The following BAZ2B variants were observed in gnomAD, a reference collection of about 807,000 sequenced individuals.
BAZ2B encodes the protein bromodomain adjacent to zinc finger domain 2B, also known as bromodomain adjacent to zinc finger domain protein 2B.
Under a neutral mutation model 246.0 loss-of-function variants are expected in BAZ2B, and 91 were observed. That is an observed-to-expected ratio of 0.37 (90% confidence interval 0.31 to 0.44). The LOEUF is 0.44. Ranked by LOEUF, BAZ2B falls within the 20% of genes least tolerant of loss-of-function variation. The pLI, the probability that BAZ2B is intolerant of heterozygous loss-of-function variation, is 1.00. For missense variants in BAZ2B, 2,332 were observed against 2,533.7 expected (o/e 0.92, Z 1.71); for synonymous variants, 855 against 860.0 (o/e 0.99, Z 0.10).
intron 2 of BAZ2B, among the ~76,000 whole-genome samples, chr2:159,497,116 T>A (rs2081250205): frequency 2.0e-5 from 3 of 152,152 alleles, no homozygotes; most frequent in Admixed American, 2.0e-4. Context: ...TCAACCTAAA[T>A]CTCAATTACT....
chr2:159,428,031 TCTG>T lies in BAZ2B; in HGVS notation c.2373_2375del (p.Ser791del), dbSNP rs776444313. 1 of 1,613,038 alleles carries T rather than the reference TCTG, an allele frequency of 6.2e-7. No homozygotes were observed. Among genetic ancestry groups the T allele is most frequent in the South Asian group, 1.1e-5 (1 of 90,956 alleles). On this transcript the variant is annotated inframe_deletion, in exon 13 of 37. Transcript: ENST00000392783. ...CCCTTGAGATATCCATTATTCCATT[TCTG>T]CTGAGATACTGAAAAAATCACATAT...
chr2:159,683,627 G>C, the BAZ2B span, among the ~76,000 whole-genome samples: 1 of 152,058 alleles, frequency 6.6e-6, no homozygotes, highest in African/African-American at 2.4e-5. Context: ...GAAATGAATT[G>C]TATGAGGCTA....
chr2:159,541,872 C>T (rs1216008722), intron 2 of BAZ2B, among the ~76,000 whole-genome samples: 1 of 152,078 alleles, frequency 6.6e-6, no homozygotes, highest in East Asian at 1.9e-4. Flanking sequence ...CAACAAATTC[C>T]CTATCTAAAA....
chr2:159,643,222 T>C, the BAZ2B span, among the ~76,000 whole-genome samples: 11,628 of 152,130 alleles, frequency 0.076, 937 homozygotes, highest in African/African-American at 0.2. Context: ...ACCCACAAAA[T>C]TTTTTTCTTA....
chr2:159,563,214 T>C (rs1006989664), intron 1 of BAZ2B, among the ~76,000 whole-genome samples: 1 of 152,176 alleles, frequency 6.6e-6, no homozygotes, highest in Non-Finnish European at 1.5e-5. Context: ...TGGTTTTTCC[T>C]AGAACATAGA....
chr2:159,498,491 A>G (rs1437344893), intron 2 of BAZ2B, among the ~76,000 whole-genome samples: 1 of 152,184 alleles, frequency 6.6e-6, no homozygotes, highest in East Asian at 1.9e-4. Flanking sequence ...ATTTTGTTTT[A>G]GATAATAGTG....
intron 1 of BAZ2B, among the ~76,000 whole-genome samples, chr2:159,608,358 G>A (rs569431369): frequency 6.6e-6 from 1 of 152,206 alleles, no homozygotes; most frequent in African/African-American, 2.4e-5. Context: ...CTGGACAACA[G>A]AGTGAGACCC....
intron 1 of BAZ2B, among the ~76,000 whole-genome samples, chr2:159,576,176 T>A (rs9973341): frequency 0.92 from 140,520 of 152,184 alleles, 65,371 homozygotes; most frequent in East Asian, 1. Flanking sequence ...TACACTAGCT[T>A]TGTAATCTTG....
At chr2:159,541,080 G>A (rs2086605359) in intron 2 of BAZ2B, among the ~76,000 whole-genome samples, 1 of 151,998 alleles carries the variant, frequency 6.6e-6, no homozygotes, top group Non-Finnish European at 1.5e-5. Context: ...TAAGAAATGG[G>A]GTGATACAGA....
chr2:159,697,057 ATT>A, the BAZ2B span, among the ~76,000 whole-genome samples: 1 of 152,166 alleles, frequency 6.6e-6, no homozygotes, highest in Non-Finnish European at 1.5e-5. Flanking sequence ...AAGTGCTGGG[ATT>A]ACAGGTGTGA....
chr2:159,625,036 C>T, the BAZ2B span, among the ~76,000 whole-genome samples: 1 of 151,666 alleles, frequency 6.6e-6, no homozygotes, highest in African/African-American at 2.4e-5. Flanking sequence ...GAAGCATACA[C>T]AAGTATCAAT....
At chr2:159,431,233 A>G in intron 9 of BAZ2B, 77 bp from the exon 10 acceptor site, 1 of 1,500,474 alleles carries the variant, frequency 6.7e-7, no homozygotes, top group Non-Finnish European at 8.9e-7. Context: ...TAAATGGACT[A>G]GCTCAGGAAC....
intron 31 of BAZ2B, among the ~76,000 whole-genome samples, chr2:159,340,349 G>T (rs1295316030): frequency 1.3e-5 from 2 of 151,632 alleles, no homozygotes; most frequent in African/African-American, 4.8e-5. Context: ...GAAGGGAAAG[G>T]TGAGGAAAAA....
chr2:159,474,755 G>T (rs1465533652), intron 3 of BAZ2B, among the ~76,000 whole-genome samples: 2 of 152,144 alleles, frequency 1.3e-5, no homozygotes, highest in African/African-American at 4.8e-5. Flanking sequence ...AGGACTGGTG[G>T]TAACAAAATC....
At chr2:159,449,829 T>C (rs2074796134) in intron 4 of BAZ2B, among the ~76,000 whole-genome samples, 1 of 152,152 alleles carries the variant, frequency 6.6e-6, no homozygotes, top group African/African-American at 2.4e-5. Context: ...GTCACAATCT[T>C]GTTATTTATA....
intron 2 of BAZ2B, among the ~76,000 whole-genome samples, chr2:159,496,011 C>T (rs955986723): frequency 9.9e-5 from 15 of 151,110 alleles, no homozygotes; most frequent in African/African-American, 3.4e-4. Context: ...CCTCATGATC[C>T]GCCTGCCTCG....
chr2:159,316,689 CAAAAAAAAAAA>C (rs765748671), downstream of BAZ2B, among the ~76,000 whole-genome samples: 301 of 36,260 alleles, frequency 8.3e-3, 3 homozygotes, highest in African/African-American at 0.032. Context: ...GACTCCATCT[CAAAAAAAAAAA>C]AAAAAAAAAA....
intron 18 of BAZ2B, 112 bp downstream of exon 18, chr2:159,398,717 T>C (rs2064460517): frequency 1.1e-6 from 1 of 928,878 alleles, no homozygotes; most frequent in Admixed American, 2.6e-5. Context: ...CTGCTAAACA[T>C]ATTTTCAGAT....
chr2:159,356,033 C>T (rs1281513961), intron 27 of BAZ2B, among the ~76,000 whole-genome samples: 1 of 152,214 alleles, frequency 6.6e-6, no homozygotes, highest in Non-Finnish European at 1.5e-5. Flanking sequence ...CCACCAGGGT[C>T]CTGGGTTTCA....
Sources: allele counts gnomAD v4.1 joint callset (sites outside exome capture counted in the v4.1 genomes callset), GRCh38; gene constraint gnomAD v4.1.1; transcripts MANE v1.5; gene names NCBI Gene and HGNC (gene_info 2026-07-23, HGNC 2026-07-21).